The following MGAT5B variants were observed in gnomAD, a reference collection of about 807,000 sequenced individuals.
MGAT5B encodes alpha-1,6-mannosylglycoprotein 6-beta-N-acetylglucosaminyltransferase B.
A neutral mutation model predicts 95.1 loss-of-function variants in MGAT5B; 54 were observed. The observed-to-expected ratio is 0.57, with a 90% CI of 0.46 to 0.71. The LOEUF (loss-of-function observed/expected upper bound fraction) is 0.71. MGAT5B is among the 30% of genes least tolerant of loss of function. MGAT5B has a pLI of 0.00. For synonymous variants in MGAT5B, 464 were observed against 451.0 expected, an observed-to-expected ratio of 1.03 and a Z score of -0.36; for missense variants, 935 against 1,088.6, an observed-to-expected ratio of 0.86 and a Z score of 1.99.
chr17:76,933,419 C>G, intron 12 of MGAT5B, 122 bp downstream of exon 12: 1 of 1,298,014 alleles, frequency 7.7e-7, no homozygotes, highest in South Asian at 1.3e-5. Context: ...GCTTGTGGCT[C>G]CTGTGGATGG....
chr17:76,886,106 G>A (rs543045098), intron 3 of MGAT5B, among the ~76,000 whole-genome samples: 4 of 152,174 alleles, frequency 2.6e-5, no homozygotes, highest in African/African-American at 7.2e-5. Flanking sequence ...AAATGGCATC[G>A]TATTATGTAT....
intron 8 of MGAT5B, 146 bp from the exon 9 acceptor site, chr17:76,924,820 C>A (rs1969246087): frequency 9.6e-7 from 1 of 1,039,122 alleles, no homozygotes; most frequent in Non-Finnish European, 1.4e-6. Flanking sequence ...CGTTACCGTA[C>A]AGGGCCATCC....
At chr17:76,899,507 C>G (rs1968227681) in intron 3 of MGAT5B, among the ~76,000 whole-genome samples, 1 of 152,100 alleles carries the variant, frequency 6.6e-6, no homozygotes, top group African/African-American at 2.4e-5. Flanking sequence ...CGTGGTGGCT[C>G]ATGCCTATTG....
At chr17:76,921,482 C>T (rs1185161961) in intron 8 of MGAT5B, among the ~76,000 whole-genome samples, 2 of 152,108 alleles carry the variant, frequency 1.3e-5, no homozygotes, top group African/African-American at 4.8e-5. Context: ...GATCTGGGTG[C>T]CAAGGTTTAG....
In MGAT5B at chr17:76,926,585, C is replaced by T; in HGVS notation, c.1158-12C>T. ...GTTGCTGACCCTGGTTCCTGGTCCC[C>T]TGGGGGGGCAGGTGCCGAATCAGGG... is the stretch of plus-strand genomic sequence containing the variant. On this transcript the variant is annotated splice_polypyrimidine_tract_variant and intron_variant, in intron 9 of 17. Coordinates refer to ENST00000569840, the MANE Select transcript of MGAT5B (RefSeq NM_001199172.2). The T allele has an allele frequency of 6.2e-7, 1 of 1,605,640 alleles. No homozygotes were observed. The highest frequency in any genetic ancestry group is 8.5e-7 in the Non-Finnish European group (1 of 1,175,788).
At chr17:76,894,245 A>C (rs957869171) in intron 3 of MGAT5B, among the ~76,000 whole-genome samples, 2 of 152,058 alleles carry the variant, frequency 1.3e-5, no homozygotes, top group East Asian at 1.9e-4. Context: ...GGCGGGGTGA[A>C]CTTTGGGGCT....
At chr17:76,907,633 G>A (rs561021562) in intron 8 of MGAT5B, among the ~76,000 whole-genome samples, 1 of 152,282 alleles carries the variant, frequency 6.6e-6, no homozygotes, top group East Asian at 1.9e-4. Context: ...ATTTTTTCCT[G>A]TTTTTGAAAT....
chr17:76,934,975 G>A (rs1182184649), intron 12 of MGAT5B, among the ~76,000 whole-genome samples: 1 of 152,182 alleles, frequency 6.6e-6, no homozygotes, highest in African/African-American at 2.4e-5. Context: ...CTTCCAGGGA[G>A]CAGGAGCTGG....
rs776377170 is a variant in MGAT5B at position 76,906,087 on chromosome 17, G to A, written c.925G>A (p.Gly309Arg). ...GTTCAGCCCTCGGGTCCTGAAGGGC[G>A]GGCCCCTAGGGGAGATGGTGCAGTG... ...DVFSPRVLKGGPLGEMVQWAD... is the reference protein window; with the variant it reads ...DVFSPRVLKGRPLGEMVQWAD... Residue 309 changes from glycine (G) to arginine (R), a missense_variant, in exon 8 of 18, where the codon GGG becomes AGG. Physicochemically the swap from Gly to Arg is moderately radical, Grantham distance 125. This residue lies in a region of MGAT5B where 243 missense variants were observed against 305.5 expected (regional missense o/e 0.80). Coordinates refer to ENST00000569840, the MANE Select transcript of MGAT5B (RefSeq NM_001199172.2). The surrounding 1 kb of genome is among the most constrained non-coding windows in gnomAD (Gnocchi z 4.6). 4 of 1,606,758 alleles carry A rather than the reference G, an allele frequency of 2.5e-6. No individual in the cohort carries two copies. The highest frequency in any genetic ancestry group is 2.7e-5 in the African/African-American group (2 of 74,162).
chr17:76,948,510 C>A (rs2145295883), intron 17 of MGAT5B, 130 bp from the exon 18 acceptor site: 2 of 988,416 alleles, frequency 2.0e-6, no homozygotes, highest in Admixed American at 2.6e-5. Context: ...CATTTCCTTA[C>A]CCAGGCTGGG....
At chr17:76,896,019 G>A (rs762506032) in intron 3 of MGAT5B, among the ~76,000 whole-genome samples, 18 of 152,028 alleles carry the variant, frequency 1.2e-4, no homozygotes, top group Non-Finnish European at 2.2e-4. Context: ...CTACCCCACG[G>A]TGACAACACC....
chr17:76,885,108 G>A (rs900443341), intron 3 of MGAT5B, among the ~76,000 whole-genome samples: 4 of 152,302 alleles, frequency 2.6e-5, no homozygotes, highest in East Asian at 3.9e-4. Context: ...GTGGCAGGAG[G>A]GGAAGCAGTG....
Position 76,938,293 on chromosome 17 carries a change from C to A in MGAT5B, c.1584+150C>A. ...CCCTGAGCCCCACATCTGGCCAGAG[C>A]CCAGGGGCAGAGATGTGGGTGCCCA... is the stretch of plus-strand genomic sequence containing the variant. On this transcript the variant is annotated intron_variant, in intron 13 of 17. Transcript: ENST00000569840. The surrounding 1 kb of genome is among the most constrained non-coding windows in gnomAD (Gnocchi z 4.3). The A allele has an allele frequency of 9.0e-7, 1 of 1,111,614 alleles. No individual in the cohort carries two copies. Among genetic ancestry groups the A allele is most frequent in the Non-Finnish European group, 1.3e-6 (1 of 790,498 alleles). The allele number at this position is 1,111,614 out of a possible 1,614,324, so 68.9% of individuals were successfully genotyped here. A position where few individuals can be genotyped will look rare whatever the true frequency, so the allele number is the denominator to read the frequency against.
chr17:76,894,088 G>T (rs1026437873), intron 3 of MGAT5B, among the ~76,000 whole-genome samples: 1 of 152,170 alleles, frequency 6.6e-6, no homozygotes, highest in Non-Finnish European at 1.5e-5. Flanking sequence ...GAGGACCAAG[G>T]CCTGGAGGCC....
chr17:76,947,882 G>C lies in MGAT5B; in HGVS notation c.1976G>C (p.Ser659Thr), dbSNP rs978408530. The C allele has an allele frequency of 3.1e-6, 5 of 1,607,214 alleles. No homozygotes were observed. The Admixed American group carries it at 5.0e-5, about 16-fold the overall frequency. ...CTACCAGAGGCCCACGCCCCGCAGA[G>C]CCCCTTTGTCCTGGCCCCCAATGCC... ...PALPEAHAPQSPFVLAPNATH... is the reference protein window; with the variant it reads ...PALPEAHAPQTPFVLAPNATH... Residue 659 changes from serine to threonine, a missense_variant, in exon 17 of 18, where the codon AGC becomes ACC. Coordinates refer to ENST00000569840, the MANE Select transcript of MGAT5B (RefSeq NM_001199172.2).
intron 16 of MGAT5B, among the ~76,000 whole-genome samples, chr17:76,947,136 G>T (rs968780022): frequency 3.9e-5 from 6 of 152,236 alleles, no homozygotes; most frequent in Admixed American, 3.9e-4. Context: ...CCAGGGTGAT[G>T]CCTGGGGTGG....
At chr17:76,892,766 G>A (rs987054507) in intron 3 of MGAT5B, among the ~76,000 whole-genome samples, 2 of 152,208 alleles carry the variant, frequency 1.3e-5, no homozygotes, top group Admixed American at 6.5e-5. Flanking sequence ...ACACACATGC[G>A]TGTTGCCAGC....
intron 3 of MGAT5B, among the ~76,000 whole-genome samples, chr17:76,895,458 G>A (rs905828141): frequency 6.6e-6 from 1 of 152,092 alleles, no homozygotes; most frequent in Non-Finnish European, 1.5e-5. Context: ...TAAAAAGGTT[G>A]GGAACCACTG....
chr17:76,881,068 C>T (rs957396763), intron 2 of MGAT5B, among the ~76,000 whole-genome samples: 8 of 152,012 alleles, frequency 5.3e-5, no homozygotes, highest in Middle Eastern at 3.2e-3. Context: ...AGCTGAGTTG[C>T]GGATTTTAGT....
Sources: allele counts gnomAD v4.1 joint callset (sites outside exome capture counted in the v4.1 genomes callset), GRCh38; gene constraint gnomAD v4.1.1; regional missense constraint gnomAD v4.1.1; non-coding constraint Gnocchi (gnomAD v3.1); transcripts MANE v1.5; gene names NCBI Gene and HGNC (gene_info 2026-07-23, HGNC 2026-07-21).